Variants in CLSTN2 observed in about 807,000 individuals in gnomAD.
The protein encoded by CLSTN2 is calsyntenin-2.
Under a neutral mutation model 101.2 loss-of-function variants are expected in CLSTN2, and 48 were observed. The ratio of observed to expected loss-of-function variants is 0.47; its 90% confidence interval spans 0.38 to 0.60. CLSTN2 has a LOEUF of 0.60. Among genes scored for constraint, CLSTN2 ranks in the 20% least tolerant of loss-of-function variants. The pLI is 0.00. For synonymous variants in CLSTN2, 481 were observed against 463.6 expected, an observed-to-expected ratio of 1.04 and a Z score of -0.48; for missense variants, 1,160 against 1,238.2, an observed-to-expected ratio of 0.94 and a Z score of 0.95.
chr3:139,988,468 G>A (rs141931498), intron 1 of CLSTN2, among the ~76,000 whole-genome samples: 8 of 152,308 alleles, frequency 5.3e-5, no homozygotes, highest in Middle Eastern at 3.4e-3. Flanking sequence ...TACAAAGTCC[G>A]TTTATTGAGT....
chr3:140,110,346 A>T (rs2009133657), intron 1 of CLSTN2, among the ~76,000 whole-genome samples: 1 of 152,224 alleles, frequency 6.6e-6, no homozygotes, highest in South Asian at 2.1e-4. Flanking sequence ...ACTACTCCAT[A>T]AGAGAAACCT....
intron 1 of CLSTN2, among the ~76,000 whole-genome samples, chr3:139,978,641 TGGGGGATTGTGTGTGTGTGTGTG>T (rs1168634236): frequency 4.0e-5 from 5 of 126,266 alleles, no homozygotes; most frequent in African/African-American, 1.6e-4. Context: ...GGATGGGGGA[TGGGGGATTGTGTGTGTGTGTGTG>T]TGTGTGTGTG....
intron 1 of CLSTN2, among the ~76,000 whole-genome samples, chr3:139,966,870 C>T (rs1355468686): frequency 1.3e-5 from 2 of 152,084 alleles, no homozygotes; most frequent in Non-Finnish European, 2.9e-5. Context: ...ATGCTGATGA[C>T]CCAAGAATAT....
At chr3:140,106,658 C>G (rs912691675) in intron 1 of CLSTN2, among the ~76,000 whole-genome samples, 10 of 152,162 alleles carry the variant, frequency 6.6e-5, no homozygotes, top group Admixed American at 2.0e-4. Context: ...AGGTCTCCCT[C>G]AAAACCACCA....
At chr3:140,533,505 C>A (rs1185413163) in intron 9 of CLSTN2, among the ~76,000 whole-genome samples, 2 of 151,876 alleles carry the variant, frequency 1.3e-5, no homozygotes, top group Non-Finnish European at 1.5e-5. Context: ...GTCAGGAGAT[C>A]GAGACCATCC....
chr3:140,403,288 G>A (rs1559859697), intron 2 of CLSTN2, among the ~76,000 whole-genome samples: 2 of 152,180 alleles, frequency 1.3e-5, no homozygotes, highest in South Asian at 2.1e-4. Context: ...ATGGAGAAGT[G>A]GGGGAGGTAG....
rs115635843 is a variant in CLSTN2, at chr3:140,362,551, G to A, written c.233-41078G>A. On this transcript the variant is annotated intron_variant, in intron 2 of 16. Transcript: ENST00000458420. Reference sequence around the variant, plus strand: ...AAACAACAGACTTGGAGAAAAAAACGTACAAATCATATATCTATTAAGGAC... The same window carrying A: ...AAACAACAGACTTGGAGAAAAAAACATACAAATCATATATCTATTAAGGAC... 3.2e-3 allele frequency among the ~76,000 whole-genome samples: 486 copies of A among 152,128 alleles called. 1 individual carries two copies. Among genetic ancestry groups the A allele is most frequent in the African/African-American group, 0.011 (451 of 41,534 alleles).
intron 2 of CLSTN2, among the ~76,000 whole-genome samples, chr3:140,270,622 A>T (rs1439417753): frequency 6.6e-6 from 1 of 152,002 alleles, no homozygotes; most frequent in Non-Finnish European, 1.5e-5. Context: ...AGACAGGAGG[A>T]TGGGGGAAGA....
At chr3:140,489,606 C>G (rs376210008) in intron 8 of CLSTN2, among the ~76,000 whole-genome samples, 1 of 152,020 alleles carries the variant, frequency 6.6e-6, no homozygotes, top group East Asian at 1.9e-4. Context: ...GAGGACCTGA[C>G]AATGTTTAAA....
intron 1 of CLSTN2, among the ~76,000 whole-genome samples, chr3:140,071,919 T>C (rs1360429538): frequency 6.6e-6 from 1 of 152,098 alleles, no homozygotes; most frequent in Non-Finnish European, 1.5e-5. Context: ...TAGAGAAATG[T>C]AAGTGAAAAC....
intron 1 of CLSTN2, among the ~76,000 whole-genome samples, chr3:140,094,415 T>G (rs1303431210): frequency 6.6e-6 from 1 of 152,230 alleles, no homozygotes; most frequent in East Asian, 1.9e-4. Flanking sequence ...TTTTAATTTT[T>G]CTCCATGCCC....
intron 2 of CLSTN2, among the ~76,000 whole-genome samples, chr3:140,255,704 C>A (rs527547540): frequency 6.6e-6 from 1 of 152,238 alleles, no homozygotes; most frequent in East Asian, 1.9e-4. Flanking sequence ...CCCCCATGAC[C>A]ATGACATGCA....
chr3:140,349,779 G>A (rs758603669), intron 2 of CLSTN2, among the ~76,000 whole-genome samples: 4 of 152,116 alleles, frequency 2.6e-5, no homozygotes, highest in South Asian at 2.1e-4. Context: ...TTGGCTCCAC[G>A]ACAGTTTCCT....
At chr3:139,998,722 A>C (rs768750199) in intron 1 of CLSTN2, among the ~76,000 whole-genome samples, 2 of 152,092 alleles carry the variant, frequency 1.3e-5, no homozygotes, top group Non-Finnish European at 2.9e-5. Flanking sequence ...GTTACCTTTC[A>C]TAAATCAAGA....
chr3:140,071,082 A>G (rs892511264), intron 1 of CLSTN2, among the ~76,000 whole-genome samples: 1 of 152,218 alleles, frequency 6.6e-6, no homozygotes, highest in African/African-American at 2.4e-5. Context: ...CTGGCACAGG[A>G]ATAGACAAAT....
intron 1 of CLSTN2, among the ~76,000 whole-genome samples, chr3:139,974,510 A>C (rs1337274381): frequency 2.0e-5 from 3 of 152,192 alleles, no homozygotes; most frequent in African/African-American, 7.2e-5. Flanking sequence ...AGGGCCCAGC[A>C]AAGGGGAGAT....
chr3:140,075,544 A>T (rs1212553382), intron 1 of CLSTN2, among the ~76,000 whole-genome samples: 1 of 152,196 alleles, frequency 6.6e-6, no homozygotes, highest in Non-Finnish European at 1.5e-5. Flanking sequence ...CCTCCCATTT[A>T]TATCTCCTAA....
At chr3:140,423,732 A>T (rs56262311) in intron 5 of CLSTN2, among the ~76,000 whole-genome samples, 16,183 of 152,160 alleles carry the variant, frequency 0.11, 1,571 homozygotes, top group African/African-American at 0.26. Flanking sequence ...CAGGCTTATC[A>T]GTACCAGCTC....
At chr3:140,434,942 A>G (rs1352885468) in intron 5 of CLSTN2, among the ~76,000 whole-genome samples, 2 of 152,134 alleles carry the variant, frequency 1.3e-5, no homozygotes, top group African/African-American at 2.4e-5. Context: ...TTGTGGGTAC[A>G]TAGTAGGTGT....
Sources: allele counts gnomAD v4.1 joint callset (sites outside exome capture counted in the v4.1 genomes callset), GRCh38; gene constraint gnomAD v4.1.1; transcripts MANE v1.5; gene names NCBI Gene and HGNC (gene_info 2026-07-23, HGNC 2026-07-21).